The following EMID1 variants were observed in gnomAD, a reference collection of about 807,000 sequenced individuals.
The protein encoded by EMID1 is EMI domain-containing protein 1.
A neutral mutation model predicts 60.6 loss-of-function variants in EMID1; 40 were observed. The observed-to-expected ratio is 0.66, with a 90% confidence interval of 0.51 to 0.86. EMID1 has a LOEUF of 0.86. Among genes scored for constraint, EMID1 ranks in the 40% least tolerant of loss-of-function variants. The pLI, the probability that EMID1 is intolerant of heterozygous loss-of-function variation, is 0.00. For synonymous variants in EMID1, 242 were observed against 231.0 expected (o/e 1.05, Z -0.43); for missense variants, 585 against 597.1 (o/e 0.98, Z 0.21).
At position 29,215,569 on chromosome 22, in the gene EMID1, G is replaced by C. The variant is rs750299930; in HGVS notation, c.258G>C (p.Lys86Asn). 6.2e-7 allele frequency: 1 copy of C among 1,614,160 alleles called. No homozygotes were observed. The highest frequency in any genetic ancestry group is 8.5e-7 in the Non-Finnish European group (1 of 1,179,990). The change falls in exon 3 of 15, where the codon AAG becomes AAC. Residue 86 changes from lysine to asparagine, a missense_variant. Coordinates refer to ENST00000334018, the MANE Select transcript of EMID1 (RefSeq NM_133455.4). The part of the protein sequence containing the change: ...VVRPTYKVMY[K>N]IVTAREWRCC... ...GACCCACATACAAGGTGATGTACAAGATAGTGACCGCCCGTGAGTGGAGGT... is the reference window on the plus strand; with the variant it reads ...GACCCACATACAAGGTGATGTACAACATAGTGACCGCCCGTGAGTGGAGGT...
chr22:29,229,597 C>T (rs2040652596), intron 5 of EMID1, among the ~76,000 whole-genome samples: 2 of 148,548 alleles, frequency 1.3e-5, no homozygotes, highest in Non-Finnish European at 3.0e-5. Flanking sequence ...GAGCCAAGAT[C>T]ACGCCATTGC....
At chr22:29,228,328 GA>G (rs900749938) in intron 5 of EMID1, among the ~76,000 whole-genome samples, 14 of 145,862 alleles carry the variant, frequency 9.6e-5, no homozygotes, top group East Asian at 4.0e-4. Context: ...TCCGTCTCAA[GA>G]AAAAAAAAAG....
chr22:29,233,379 G>A lies in EMID1; in HGVS notation c.824G>A (p.Gly275Glu), dbSNP rs2040825014. Residue 275 changes from glycine (G) to glutamate (E), a missense_variant and splice_region_variant, in exon 9 of 15, where the codon GGA (glycine) becomes GAA (glutamate). Physicochemically the swap from Gly to Glu is moderately conservative, Grantham distance 98. Coordinates refer to ENST00000334018, the MANE Select transcript of EMID1 (RefSeq NM_133455.4). ...TCACTCATCATCTTTGCTCACCCAG[G>A]AGACCCATTGCTGTCCAACACCTTC... is the stretch of plus-strand genomic sequence containing the variant. The part of the protein sequence containing the change: ...GPPHARISQH[G>E]DPLLSNTFTE... 3 of 1,614,038 alleles carry A rather than the reference G, an allele frequency of 1.9e-6. No homozygotes were observed.
intron 3 of EMID1, among the ~76,000 whole-genome samples, chr22:29,224,719 C>T (rs2040434259): frequency 6.6e-6 from 1 of 152,248 alleles, no homozygotes; most frequent in African/African-American, 2.4e-5. Context: ...CGACCTCAGG[C>T]CTCACCCCAG....
chr22:29,231,588 C>T lies in EMID1; in HGVS notation c.587-5C>T. On this transcript the variant is annotated splice_region_variant and splice_polypyrimidine_tract_variant and intron_variant, in intron 6 of 14. Coordinates refer to ENST00000334018, the MANE Select transcript of EMID1 (RefSeq NM_133455.4). ...GCTGCCAGTCTGATATGCTTTACCCCCCAGACCAAGTCGGTGCTTGGGGGC... is the reference window on the plus strand; with the variant it reads ...GCTGCCAGTCTGATATGCTTTACCCTCCAGACCAAGTCGGTGCTTGGGGGC... 6.5e-7 allele frequency: 1 copy of T among 1,545,710 alleles called. No individual in the cohort carries two copies. The highest frequency in any genetic ancestry group is 8.7e-7 in the Non-Finnish European group (1 of 1,143,826).
At chr22:29,254,839 A>C in intron 14 of EMID1, 1 of 167,344 alleles carries the variant, frequency 6.0e-6, no homozygotes. Flanking sequence ...ACTGTGGGTG[A>C]CAGAGCTAGG....
At chr22:29,230,954 CA>C in intron 5 of EMID1, 65 bp from the exon 6 acceptor site, 289 of 1,540,620 alleles carry the variant, frequency 1.9e-4, no homozygotes, top group Admixed American at 5.0e-4. Flanking sequence ...AACTCCATCT[CA>C]AAAAAAATAG....
chr22:29,253,902 C>T (rs2041610697), intron 13 of EMID1: 2 of 985,338 alleles, frequency 2.0e-6, no homozygotes, highest in African/African-American at 3.5e-5. Context: ...CCGTTCTGCC[C>T]CTGAAGATTG....
At chr22:29,242,968 G>A (rs2041204365) in intron 12 of EMID1, among the ~76,000 whole-genome samples, 1 of 152,130 alleles carries the variant, frequency 6.6e-6, no homozygotes, top group South Asian at 2.1e-4. Context: ...TTGGAGTATT[G>A]CCCTGTGATT....
rs146001281 is a variant in EMID1 at position 29,244,245 on chromosome 22, A to G, written c.1119+756A>G. Reference sequence around the variant, plus strand: ...AAATGAGAAGGGGACAAGAAGGGGGAACTAGAAACCACACACCGCAAAATC... The same window carrying G: ...AAATGAGAAGGGGACAAGAAGGGGGGACTAGAAACCACACACCGCAAAATC... On this transcript the variant is annotated intron_variant, in intron 13 of 14. Coordinates refer to ENST00000334018, the MANE Select transcript of EMID1 (RefSeq NM_133455.4). 2.7e-3 allele frequency among the ~76,000 whole-genome samples: 407 copies of G among 152,190 alleles called. 1 individual carries two copies. The highest frequency in any genetic ancestry group is 9.4e-3 in the African/African-American group (389 of 41,512).
chr22:29,246,353 G>A (rs1414369097), intron 13 of EMID1, among the ~76,000 whole-genome samples: 3 of 152,230 alleles, frequency 2.0e-5, no homozygotes, highest in Non-Finnish European at 4.4e-5. Context: ...GAGTGATGCG[G>A]TCAGGTTTTT....
At chr22:29,233,105 G>A (rs941090523) in intron 8 of EMID1, 14 of 496,920 alleles carry the variant, frequency 2.8e-5, no homozygotes, top group African/African-American at 2.5e-4. Flanking sequence ...ATTCCCATTT[G>A]ACAGGTGACA....
chr22:29,231,394 G>T, intron 6 of EMID1, 199 bp from the exon 7 acceptor site: 1 of 813,432 alleles, frequency 1.2e-6, no homozygotes. Context: ...TGGGGATTCT[G>T]GATGAGCCTC....
chr22:29,209,307 G>T lies in EMID1; in HGVS notation c.101+3168G>T, dbSNP rs539243878. The stretch of plus-strand genomic sequence containing the variant: ...TCTCCCCTCCTGGAGGCCTCTGGGG[G>T]CCTGGAGGTGCTGAGTGGGCAGAAG... On this transcript the variant is annotated intron_variant, in intron 1 of 14. Transcript: ENST00000334018. Among the ~76,000 whole-genome samples, 3 of 152,264 alleles carry T rather than the reference G, an allele frequency of 2.0e-5. No homozygotes were observed. In the South Asian group the frequency reaches 6.2e-4, roughly 32 times the overall value.
chr22:29,251,578 G>A (rs1300433517), intron 13 of EMID1, among the ~76,000 whole-genome samples: 1 of 151,568 alleles, frequency 6.6e-6, no homozygotes, highest in Non-Finnish European at 1.5e-5. Context: ...GCTCACTGTA[G>A]CCTCAAACTC....
rs145034006 is a variant in EMID1 at position 29,248,972 on chromosome 22, A to G, written c.1120-5231A>G. On this transcript the variant is annotated intron_variant, in intron 13 of 14. Transcript: ENST00000334018. ...CTGAAACATCATTATGTGATGTATGACTGTATTGAGCCACAATTGTTCTGT... is the reference window on the plus strand; with the variant it reads ...CTGAAACATCATTATGTGATGTATGGCTGTATTGAGCCACAATTGTTCTGT... 6.1e-3 allele frequency among the ~76,000 whole-genome samples: 925 copies of G among 152,280 alleles called. 35 individuals are homozygous for G. The East Asian group carries it at 0.1, about 17-fold the overall frequency.
intron 8 of EMID1, 181 bp downstream of exon 8, chr22:29,232,583 A>C: frequency 1.5e-6 from 1 of 676,502 alleles, no homozygotes; most frequent in East Asian, 3.1e-5. Flanking sequence ...AACACTGAGG[A>C]CCAGAGAGGG....
chr22:29,242,979 G>A (rs1303166554), intron 12 of EMID1, among the ~76,000 whole-genome samples: 1 of 152,084 alleles, frequency 6.6e-6, no homozygotes. Flanking sequence ...CCCTGTGATT[G>A]GTCAATCCAG....
At chr22:29,220,541 G>T (rs1046706052) in intron 3 of EMID1, among the ~76,000 whole-genome samples, 1 of 151,992 alleles carries the variant, frequency 6.6e-6, no homozygotes, top group Admixed American at 6.6e-5. Context: ...ATGGCCTGTG[G>T]TTACTAAACC....
Sources: gnomAD v4.1 joint callset for allele counts (sites outside exome capture counted in the v4.1 genomes callset) on GRCh38, gnomAD v4.1.1 for gene constraint, MANE v1.5 for transcripts, NCBI Gene and HGNC (gene_info 2026-07-23, HGNC 2026-07-21) for gene names.